Variants in ZMYND8 observed in about 807,000 individuals in gnomAD.
The protein encoded by ZMYND8 is zinc finger MYND-type containing 8.
A neutral mutation model predicts 140.8 loss-of-function variants in ZMYND8; 37 were observed. The observed-to-expected ratio is 0.26, with a 90% CI of 0.20 to 0.35. The LOEUF (loss-of-function observed/expected upper bound fraction) is 0.35. Among genes scored for constraint, ZMYND8 ranks in the 10% least tolerant of loss-of-function variants. The pLI, the probability that ZMYND8 is intolerant of heterozygous loss-of-function variation, is 1.00. For synonymous variants in ZMYND8, 592 were observed against 597.1 expected (o/e 0.99, Z 0.12); for missense variants, 1,068 against 1,570.0 (o/e 0.68, Z 5.40).
At chr20:47,229,847 T>C (rs771358856) in intron 16 of ZMYND8, 41 bp from the exon 17 acceptor site, 16 of 1,552,700 alleles carry the variant, frequency 1.0e-5, no homozygotes, top group Non-Finnish European at 1.3e-5. Flanking sequence ...GATCACTTCT[T>C]GGAGGCTTTT....
At chr20:47,266,151 C>A (rs1020617005) in intron 11 of ZMYND8, among the ~76,000 whole-genome samples, 9 of 152,164 alleles carry the variant, frequency 5.9e-5, no homozygotes, top group African/African-American at 2.2e-4. Flanking sequence ...CTAGTGCCAC[C>A]AATCCTACCT....
rs565278601 is a variant in ZMYND8 at position 47,303,539 on chromosome 20, G to A, written c.235-4592C>T. On this transcript the variant is annotated intron_variant, in intron 3 of 22. Transcript: ENST00000471951. ...TCAAGACCAGCCTGGCCAACATGGCGAAACCCCGTCTCTACTAAAACTATA... is the reference window on the plus strand; with the variant it reads ...TCAAGACCAGCCTGGCCAACATGGCAAAACCCCGTCTCTACTAAAACTATA... Among the ~76,000 whole-genome samples the A allele has an allele frequency of 1.6e-4, 25 of 152,218 alleles. 1 individual carries two copies. The East Asian group carries it at 1.7e-3, about 11-fold the overall frequency.
intron 12 of ZMYND8, among the ~76,000 whole-genome samples, chr20:47,253,575 C>T (rs2074361539): frequency 6.6e-6 from 1 of 151,722 alleles, no homozygotes; most frequent in African/African-American, 2.4e-5. Flanking sequence ...AATAAACTTG[C>T]CAGGTGATCC....
At chr20:47,241,454 A>C (rs1568964893) in intron 14 of ZMYND8, among the ~76,000 whole-genome samples, 1 of 152,114 alleles carries the variant, frequency 6.6e-6, no homozygotes, top group African/African-American at 2.4e-5. Context: ...GGTGGGGAAT[A>C]AAGGGTAGGA....
chr20:47,238,751 T>A lies in ZMYND8; in HGVS notation c.2665+7A>T. 1 of 1,606,766 alleles carries A rather than the reference T, an allele frequency of 6.2e-7. No individual in the cohort carries two copies. The highest frequency in any genetic ancestry group is 8.5e-7 in the Non-Finnish European group (1 of 1,177,096). On this transcript the variant is annotated splice_region_variant and intron_variant, in intron 15 of 22. Transcript: ENST00000471951. ...CGCCACGGAGAACAGAAGGGGAGGC[T>A]CGGTACCTTTCACAGCCTGTCTGGT...
At chr20:47,297,119 C>T (rs565553511) in intron 4 of ZMYND8, among the ~76,000 whole-genome samples, 2 of 148,742 alleles carry the variant, frequency 1.3e-5, no homozygotes, top group Admixed American at 6.7e-5. Context: ...TCAGCCTCTG[C>T]GTGCAGAGGA....
chr20:47,237,388 C>T (rs905357746), intron 15 of ZMYND8: 1 of 151,422 alleles, frequency 6.6e-6, no homozygotes, highest in Non-Finnish European at 1.5e-5. Context: ...GAACTCCTGG[C>T]CTCAAGTGAT....
rs539680568 is a variant in ZMYND8 at position 47,221,239 on chromosome 20, G to A, written c.3417+75C>T. 1.2e-4 allele frequency: 187 copies of A among 1,562,550 alleles called. No individual in the cohort carries two copies. In the African/African-American group the frequency reaches 1.9e-3, roughly 16 times the overall value. ...TCCCACAACACGGAACTTTCAGGGC[G>A]GCAGACAGGGGGTCCTAAGTCCACT... On this transcript the variant is annotated intron_variant, in intron 20 of 22. Transcript: ENST00000471951.
intron 11 of ZMYND8, among the ~76,000 whole-genome samples, chr20:47,274,747 C>T (rs1183709509): frequency 6.6e-6 from 1 of 152,062 alleles, no homozygotes; most frequent in Non-Finnish European, 1.5e-5. Context: ...TTTTACAGAA[C>T]CAAAAGCCAC....
intron 2 of ZMYND8, among the ~76,000 whole-genome samples, chr20:47,324,886 T>C (rs909165971): frequency 4.6e-5 from 7 of 152,064 alleles, no homozygotes; most frequent in Admixed American, 2.6e-4. Flanking sequence ...TTCATTACAG[T>C]CATATATAGG....
At chr20:47,301,019 G>GGGTCCCTCCCACATCAAGGATT (rs2078004076) in intron 3 of ZMYND8, among the ~76,000 whole-genome samples, 1 of 151,664 alleles carries the variant, frequency 6.6e-6, no homozygotes, top group Admixed American at 6.6e-5. Context: ...CCAAATGCCT[G>GGGTCCCTCCCACATCAAGGATT]GTATTTCCAC....
intron 11 of ZMYND8, among the ~76,000 whole-genome samples, chr20:47,270,233 G>A (rs1337773039): frequency 6.7e-6 from 1 of 148,946 alleles, no homozygotes; most frequent in African/African-American, 2.5e-5. Flanking sequence ...GTGTGACCCT[G>A]TCTCTTAAAA....
At chr20:47,245,162 A>T (rs2040412595) in intron 14 of ZMYND8, among the ~76,000 whole-genome samples, 1 of 152,166 alleles carries the variant, frequency 6.6e-6, no homozygotes, top group Admixed American at 6.5e-5. Flanking sequence ...ATACTGTCCT[A>T]CTACTGTAAG....
At chr20:47,247,775 G>A (rs1305631962) in intron 13 of ZMYND8, among the ~76,000 whole-genome samples, 2 of 152,164 alleles carry the variant, frequency 1.3e-5, no homozygotes, top group African/African-American at 4.8e-5. Context: ...GGGATCAGCT[G>A]GATCATTGGG....
chr20:47,238,804 A>AGGCTGCTGCTGCTGGTTT lies in ZMYND8; in HGVS notation c.2601_2618dup (p.Asn868_Pro873dup). On this transcript the variant is annotated inframe_insertion, in exon 15 of 23. Coordinates refer to ENST00000471951, the MANE Select transcript of ZMYND8 (RefSeq NM_001281775.3). Reference sequence around the variant, plus strand: ...GATATCTCGTCCCCTGGGAAGACTGAGGCTGCTGCTGCTGGTTTTGCTGCT... The same window carrying AGGCTGCTGCTGCTGGTTT: ...GATATCTCGTCCCCTGGGAAGACTGAGGCTGCTGCTGCTGGTTTGGCTGCTGCTGCTGGTTTTGCTGCT... 2 of 1,612,458 alleles carry AGGCTGCTGCTGCTGGTTT rather than the reference A, an allele frequency of 1.2e-6. No individual in the cohort carries two copies. Among genetic ancestry groups the AGGCTGCTGCTGCTGGTTT allele is most frequent in the Non-Finnish European group, 1.7e-6 (2 of 1,179,730 alleles).
chr20:47,300,011 C>T (rs192019384), intron 3 of ZMYND8, among the ~76,000 whole-genome samples: 4 of 152,268 alleles, frequency 2.6e-5, no homozygotes, highest in African/African-American at 4.8e-5. Context: ...TCTTATTTGA[C>T]ATCAGCAATG....
intron 21 of ZMYND8, among the ~76,000 whole-genome samples, chr20:47,215,927 C>G (rs1211066649): frequency 1.3e-5 from 2 of 152,264 alleles, no homozygotes; most frequent in East Asian, 3.9e-4. Flanking sequence ...AAGGAAGGCA[C>G]TTGGAGATAG....
At chr20:47,269,636 G>C (rs1011523934) in intron 11 of ZMYND8, among the ~76,000 whole-genome samples, 5 of 152,192 alleles carry the variant, frequency 3.3e-5, no homozygotes, top group African/African-American at 1.2e-4. Flanking sequence ...CCTGGCCTGC[G>C]TGAAGGGTTG....
At chr20:47,296,692 A>T (rs952404036) in intron 4 of ZMYND8, among the ~76,000 whole-genome samples, 1 of 152,176 alleles carries the variant, frequency 6.6e-6, no homozygotes, top group African/African-American at 2.4e-5. Flanking sequence ...ACAGTGGCTC[A>T]CACCTATAAT....
Sources: gnomAD v4.1 joint callset for allele counts (sites outside exome capture counted in the v4.1 genomes callset) on GRCh38, gnomAD v4.1.1 for gene constraint, MANE v1.5 for transcripts, NCBI Gene and HGNC (gene_info 2026-07-23, HGNC 2026-07-21) for gene names.